The following VPS8 variants were observed in gnomAD, a reference collection of about 807,000 sequenced individuals.
The protein encoded by VPS8 is vacuolar protein sorting-associated protein 8 homolog.
A neutral mutation model predicts 216.4 loss-of-function variants in VPS8; 129 were observed. The ratio of observed to expected loss-of-function variants is 0.60; its 90% CI spans 0.52 to 0.69. The LOEUF (loss-of-function observed/expected upper bound fraction) is 0.69. Ranked by LOEUF, VPS8 falls within the 30% of genes least tolerant of loss-of-function variation. The pLI, the probability that VPS8 is intolerant of heterozygous loss-of-function variation, is 0.00. For synonymous variants in VPS8, 571 were observed against 565.4 expected (o/e 1.01, Z -0.14); for missense variants, 1,531 against 1,683.5 (o/e 0.91, Z 1.59).
chr3:185,014,807 A>G (rs923547956), intron 45 of VPS8, among the ~76,000 whole-genome samples: 1 of 152,222 alleles, frequency 6.6e-6, no homozygotes, highest in Non-Finnish European at 1.5e-5. Context: ...TATTCCATGT[A>G]GAGAAAAATG....
At chr3:184,917,149 G>A (rs1451983928) in intron 28 of VPS8, among the ~76,000 whole-genome samples, 2 of 152,146 alleles carry the variant, frequency 1.3e-5, no homozygotes, top group African/African-American at 2.4e-5. Context: ...AGATAAAATG[G>A]TGTCTACACT....
chr3:184,856,295 G>GGATT (rs1452632040), intron 14 of VPS8, among the ~76,000 whole-genome samples: 1 of 152,136 alleles, frequency 6.6e-6, no homozygotes, highest in Non-Finnish European at 1.5e-5. Flanking sequence ...AATGGTTTAA[G>GGATT]GATTGAACTA....
intron 40 of VPS8, among the ~76,000 whole-genome samples, chr3:184,975,317 A>G (rs990971182): frequency 1.7e-4 from 26 of 152,020 alleles, no homozygotes; most frequent in Admixed American, 1.6e-3. Flanking sequence ...GCTCTTGTAA[A>G]TGAGATTGCT....
At chr3:184,887,200 A>C (rs775002560) in intron 22 of VPS8, among the ~76,000 whole-genome samples, 1 of 152,066 alleles carries the variant, frequency 6.6e-6, no homozygotes, top group Non-Finnish European at 1.5e-5. Flanking sequence ...TTAAAAAATT[A>C]GTTGGGCATA....
At chr3:184,940,995 G>A (rs765320919) in intron 36 of VPS8, among the ~76,000 whole-genome samples, 1 of 152,188 alleles carries the variant, frequency 6.6e-6, no homozygotes, top group Non-Finnish European at 1.5e-5. Context: ...ATCACTGGGA[G>A]TTGGAATATT....
intron 15 of VPS8, among the ~76,000 whole-genome samples, chr3:184,861,251 C>T (rs1009226280): frequency 6.6e-6 from 1 of 152,180 alleles, no homozygotes; most frequent in Non-Finnish European, 1.5e-5. Flanking sequence ...CATTTTAGCA[C>T]ATCAGTGTCT....
rs748347855 is a variant in VPS8 at position 184,926,621 on chromosome 3, G to A, written c.2602G>A (p.Asp868Asn). Residue 868 changes from aspartate (D) to asparagine (N), a missense_variant, in exon 31 of 48, where the codon GAT (aspartate) becomes AAT (asparagine). Physicochemically the swap from Asp to Asn is conservative, Grantham distance 23. Coordinates refer to ENST00000625842, the MANE Select transcript of VPS8 (RefSeq NM_001009921.3). ...CCTTGAATTCCTTTGTAGTCCTGAC[G>A]ATGACTCCCGACACTCTGAAAGACA... ...QVLEFLCSPD[D>N]DSRHSERQQV... 1.3e-5 allele frequency: 21 copies of A among 1,604,786 alleles called. No homozygotes were observed. Among genetic ancestry groups the A allele is most frequent in the Admixed American group, 8.5e-5 (5 of 58,786 alleles).
At chr3:185,014,804 T>C (rs961964691) in intron 45 of VPS8, among the ~76,000 whole-genome samples, 2 of 152,208 alleles carry the variant, frequency 1.3e-5, no homozygotes, top group Non-Finnish European at 2.9e-5. Flanking sequence ...TAATATTCCA[T>C]GTAGAGAAAA....
intron 36 of VPS8, among the ~76,000 whole-genome samples, chr3:184,951,171 A>G (rs1560829414): frequency 2.0e-5 from 3 of 152,128 alleles, no homozygotes; most frequent in South Asian, 2.1e-4. Context: ...GAACTAATTT[A>G]CAGAATTTGA....
At chr3:184,842,209 A>AAAAAAG (rs1553828675) in intron 7 of VPS8, among the ~76,000 whole-genome samples, 1 of 149,378 alleles carries the variant, frequency 6.7e-6, no homozygotes, top group Non-Finnish European at 1.5e-5. Context: ...AAAAAAAAAA[A>AAAAAAG]GAATATGTGA....
chr3:184,919,853 T>A (rs1469268321), intron 28 of VPS8, among the ~76,000 whole-genome samples: 1 of 152,168 alleles, frequency 6.6e-6, no homozygotes, highest in Non-Finnish European at 1.5e-5. Context: ...TCGCTCTCTT[T>A]TTTTTGCTTA....
chr3:184,825,343 C>G (rs1718526389), intron 2 of VPS8, among the ~76,000 whole-genome samples: 1 of 152,110 alleles, frequency 6.6e-6, no homozygotes, highest in Non-Finnish European at 1.5e-5. Flanking sequence ...GTCACAGAGC[C>G]AGTGGTAGTT....
At chr3:184,856,288 G>A (rs1725237252) in intron 14 of VPS8, among the ~76,000 whole-genome samples, 1 of 152,170 alleles carries the variant, frequency 6.6e-6, no homozygotes, top group Non-Finnish European at 1.5e-5. Flanking sequence ...TACAGAAAAT[G>A]GTTTAAGGAT....
intron 9 of VPS8, 109 bp from the exon 10 acceptor site, chr3:184,849,827 C>T: frequency 1.3e-6 from 1 of 797,874 alleles, no homozygotes; most frequent in Non-Finnish European, 2.1e-6. Flanking sequence ...TAGTTCTTTG[C>T]CTGCAATGTT....
At chr3:184,912,001 C>CT (rs887651267) in intron 25 of VPS8, among the ~76,000 whole-genome samples, 1 of 152,164 alleles carries the variant, frequency 6.6e-6, no homozygotes, top group African/African-American at 2.4e-5. Flanking sequence ...TGGTACCTTG[C>CT]TTTTTTTGTA....
chr3:185,052,614 C>CCTGG (rs3830463), downstream of VPS8: 71,492 of 151,596 alleles, frequency 0.47, 17,099 homozygotes, highest in East Asian at 0.67. Flanking sequence ...CTGCAGGTCT[C>CCTGG]CTGGCTGGCT....
intron 36 of VPS8, among the ~76,000 whole-genome samples, chr3:184,949,505 TC>T (rs567775715): frequency 1.5e-3 from 222 of 152,016 alleles, no homozygotes; most frequent in Non-Finnish European, 2.8e-3. Flanking sequence ...TTGTGGCTGT[TC>T]CTATATGCGG....
Position 184,964,570 on chromosome 3 carries a change from T to C in VPS8, c.3273+13T>C. On this transcript the variant is annotated intron_variant, in intron 38 of 47. Transcript: ENST00000625842. ...AATAATGTTAGAGGTAACACTTTAC[T>C]ATGTTTCTTTCATCATATTTCTGTC... The C allele has an allele frequency of 7.0e-7, 1 of 1,427,268 alleles. No homozygotes were observed. The highest frequency in any genetic ancestry group is 1.4e-5 in the African/African-American group (1 of 69,872). 88.4% of individuals were successfully genotyped at this position (1,427,268 alleles called of 1,614,324 possible). A position where few individuals can be genotyped will look rare whatever the true frequency, so the allele number is the denominator to read the frequency against.
At chr3:184,985,140 A>G (rs1300949152) in intron 42 of VPS8, among the ~76,000 whole-genome samples, 1 of 152,134 alleles carries the variant, frequency 6.6e-6, no homozygotes, top group African/African-American at 2.4e-5. Flanking sequence ...TTATTTTTCA[A>G]GGTGCTTTCA....
Sources: allele counts gnomAD v4.1 joint callset (sites outside exome capture counted in the v4.1 genomes callset), GRCh38; gene constraint gnomAD v4.1.1; transcripts MANE v1.5; gene names NCBI Gene and HGNC (gene_info 2026-07-23, HGNC 2026-07-21).